ULK4: variants seen among roughly 807,000 people sequenced by gnomAD.
ULK4 encodes the protein inactive serine/threonine-protein kinase ULK4.
A neutral mutation model predicts 160.6 loss-of-function variants in ULK4; 133 were observed. That is an observed-to-expected ratio of 0.83 (90% CI 0.72 to 0.96). The LOEUF (loss-of-function observed/expected upper bound fraction) is 0.96, where lower values mean the gene tolerates loss of function less well. Ranked by LOEUF, ULK4 falls within the 40% of genes least tolerant of loss-of-function variation. The probability of loss-of-function intolerance (pLI) is 0.00; values close to 1 mark genes in which losing one functional copy is unlikely to be tolerated. For synonymous variants in ULK4, 534 were observed against 539.8 expected (o/e 0.99, Z 0.15); for missense variants, 1,580 against 1,499.5 (o/e 1.05, Z -0.89).
At chr3:41,468,979 G>A (rs1300636107) in intron 32 of ULK4, among the ~76,000 whole-genome samples, 4 of 152,148 alleles carry the variant, frequency 2.6e-5, no homozygotes, top group Admixed American at 6.5e-5. Flanking sequence ...CCCAATCAGT[G>A]GTACCAGCTA....
intron 32 of ULK4, among the ~76,000 whole-genome samples, chr3:41,470,044 A>AAAAAAAAAAAAAAAAAAAAAAAAAAAAC (rs1415943037): frequency 1.3e-4 from 15 of 116,750 alleles, no homozygotes; most frequent in Non-Finnish European, 1.8e-4. Flanking sequence ...AAAAAAAAAA[A>AAAAAAAAAAAAAAAAAAAAAAAAAAAAC]AACAAAGTAT....
intron 34 of ULK4, among the ~76,000 whole-genome samples, chr3:41,444,361 T>TTC (rs56744200): frequency 0.014 from 2,064 of 146,612 alleles, 18 homozygotes; most frequent in Non-Finnish European, 0.017. Context: ...TTTAAGTGAC[T>TTC]TCTCTCTCTC....
At chr3:41,832,351 G>A (rs1287058393) in intron 18 of ULK4, among the ~76,000 whole-genome samples, 1 of 152,158 alleles carries the variant, frequency 6.6e-6, no homozygotes, top group Non-Finnish European at 1.5e-5. Context: ...TTTGAGAAAT[G>A]TCTGTTCATA....
intron 25 of ULK4, among the ~76,000 whole-genome samples, chr3:41,711,336 A>T (rs73828234): frequency 0.054 from 8,282 of 152,212 alleles, 747 homozygotes; most frequent in African/African-American, 0.18. Context: ...ACCCTGAGCT[A>T]GGTCTGCTGG....
chr3:41,358,217 T>C (rs1411809110), intron 35 of ULK4, among the ~76,000 whole-genome samples: 12 of 152,288 alleles, frequency 7.9e-5, no homozygotes, highest in Non-Finnish European at 1.5e-5. Flanking sequence ...GAGGAGCAGG[T>C]GCATACTTTA....
At chr3:41,719,210 C>G (rs1057480262) in intron 22 of ULK4, among the ~76,000 whole-genome samples, 2 of 152,184 alleles carry the variant, frequency 1.3e-5, no homozygotes, top group African/African-American at 4.8e-5. Context: ...GTGTCTTTTG[C>G]TGGTTCATGC....
intron 30 of ULK4, among the ~76,000 whole-genome samples, chr3:41,631,716 T>G (rs1347745709): frequency 6.6e-6 from 1 of 151,430 alleles, no homozygotes; most frequent in Admixed American, 6.6e-5. Flanking sequence ...GGCCATGGAG[T>G]GTTTCGACCA....
At chr3:41,701,394 C>T (rs1358383770) in intron 27 of ULK4, among the ~76,000 whole-genome samples, 1 of 152,172 alleles carries the variant, frequency 6.6e-6, no homozygotes, top group African/African-American at 2.4e-5. Flanking sequence ...AGTCACCAAC[C>T]TGTCAATGGC....
chr3:41,834,201 T>C (rs1179531597), intron 18 of ULK4, among the ~76,000 whole-genome samples: 1 of 151,850 alleles, frequency 6.6e-6, no homozygotes, highest in Non-Finnish European at 1.5e-5. Flanking sequence ...AAATACAAAA[T>C]TACCTGAGAA....
chr3:41,311,735 A>G (rs970848191), intron 35 of ULK4, among the ~76,000 whole-genome samples: 4 of 151,332 alleles, frequency 2.6e-5, no homozygotes, highest in Non-Finnish European at 4.4e-5. Flanking sequence ...GGCTCGGCTA[A>G]TTTTTTGCAT....
chr3:41,364,460 A>G (rs1339884967), intron 35 of ULK4, among the ~76,000 whole-genome samples: 1 of 152,208 alleles, frequency 6.6e-6, no homozygotes, highest in Non-Finnish European at 1.5e-5. Context: ...AACAGAGAAC[A>G]AAACTCTTGT....
intron 30 of ULK4, among the ~76,000 whole-genome samples, chr3:41,620,029 C>A (rs2033163762): frequency 6.6e-6 from 1 of 152,100 alleles, no homozygotes; most frequent in African/African-American, 2.4e-5. Context: ...TGGATAAATT[C>A]CTGCGCACAT....
At chr3:41,398,458 A>G (rs1423836168) in intron 34 of ULK4, among the ~76,000 whole-genome samples, 194 bp from the exon 35 acceptor site, 1 of 150,122 alleles carries the variant, frequency 6.7e-6, no homozygotes, top group Non-Finnish European at 1.5e-5. Context: ...ATCACAACTC[A>G]CTGCAGCCTC....
intron 32 of ULK4, among the ~76,000 whole-genome samples, chr3:41,498,875 G>A (rs865836796): frequency 6.6e-6 from 1 of 152,128 alleles, no homozygotes; most frequent in African/African-American, 2.4e-5. Flanking sequence ...GATTACAGGC[G>A]TGAGCCACTG....
intron 21 of ULK4, among the ~76,000 whole-genome samples, chr3:41,784,348 C>T (rs1242383315): frequency 6.6e-5 from 10 of 151,974 alleles, no homozygotes; most frequent in Admixed American, 2.0e-4. Flanking sequence ...GCAGGAGAAT[C>T]GCTTGAACCC....
intron 36 of ULK4, 142 bp downstream of exon 36, chr3:41,249,347 G>A (rs2078701620): frequency 6.8e-6 from 5 of 737,750 alleles, no homozygotes; most frequent in Non-Finnish European, 8.6e-6. Flanking sequence ...CCCACACTGG[G>A]AAGGATCTCA....
chr3:41,387,170 G>C (rs1434224611), intron 35 of ULK4, among the ~76,000 whole-genome samples: 2 of 152,120 alleles, frequency 1.3e-5, no homozygotes, highest in Non-Finnish European at 2.9e-5. Flanking sequence ...ATAATGTATA[G>C]TGGTCAGATC....
chr3:41,955,116 C>T (rs1422177753), intron 1 of ULK4, among the ~76,000 whole-genome samples: 2 of 152,040 alleles, frequency 1.3e-5, no homozygotes, highest in African/African-American at 4.8e-5. Context: ...CATGGTGAAC[C>T]CTGTCTCTAC....
intron 34 of ULK4, among the ~76,000 whole-genome samples, chr3:41,403,007 G>A (rs577458281): frequency 1.2e-3 from 181 of 152,068 alleles, no homozygotes; most frequent in African/African-American, 3.9e-3. Context: ...AAAATTAGCC[G>A]GGCGTGGTGG....
Sources: gnomAD v4.1 joint callset for allele counts (sites outside exome capture counted in the v4.1 genomes callset) on GRCh38, gnomAD v4.1.1 for gene constraint, MANE v1.5 for transcripts, NCBI Gene and HGNC (gene_info 2026-07-23, HGNC 2026-07-21) for gene names.